PCNX2: variants seen among roughly 807,000 people sequenced by gnomAD.
PCNX2 encodes the protein pecanex 2, also known as pecanex-like protein 2.
In PCNX2, 168 loss-of-function variants were observed where a neutral mutation model predicts 223.8. The observed-to-expected ratio is 0.75, with a 90% CI of 0.66 to 0.85. The LOEUF is 0.85. Ranked by LOEUF, PCNX2 falls within the 40% of genes least tolerant of loss-of-function variation. PCNX2 has a pLI of 0.00. For synonymous variants in PCNX2, 1,006 were observed against 1,052.6 expected (o/e 0.96, Z 0.86); for missense variants, 2,507 against 2,675.5 (o/e 0.94, Z 1.39).
At chr1:233,183,706 G>A (rs1448876024) in intron 15 of PCNX2, among the ~76,000 whole-genome samples, 1 of 152,188 alleles carries the variant, frequency 6.6e-6, no homozygotes, top group Non-Finnish European at 1.5e-5. Flanking sequence ...GAACAGGACA[G>A]AGAGAGTCTT....
At chr1:233,260,226 A>C (rs1659976683) in intron 4 of PCNX2, among the ~76,000 whole-genome samples, 1 of 152,226 alleles carries the variant, frequency 6.6e-6, no homozygotes. Flanking sequence ...CTACCTGTAC[A>C]TTTTACATAC....
intron 28 of PCNX2, among the ~76,000 whole-genome samples, chr1:233,006,906 T>C (rs778666751): frequency 2.6e-5 from 4 of 151,940 alleles, no homozygotes; most frequent in Non-Finnish European, 5.9e-5. Flanking sequence ...CCATCTACCT[T>C]AGTCACTGTC....
rs1365634521 is a variant in PCNX2, at chr1:233,112,804, A to G, written c.3838-16941T>C. On this transcript the variant is annotated intron_variant, in intron 21 of 33. Coordinates refer to ENST00000258229, the MANE Select transcript of PCNX2 (RefSeq NM_014801.4). ...AAAAAAATTTTAAGTCTTACATGCT[A>G]GGCTTGATGTCCCAAATGGGGAGAA... The G allele has an allele frequency of 8.1e-6, 10 of 1,239,212 alleles. No individual in the cohort carries two copies. In the South Asian group the frequency reaches 1.1e-4, roughly 14 times the overall value. The allele number at this position is 1,239,212 out of a possible 1,614,324, so 76.8% of individuals were successfully genotyped here.
At chr1:233,289,258 C>G in intron 1 of PCNX2, 5 of 962,332 alleles carry the variant, frequency 5.2e-6, no homozygotes, top group Non-Finnish European at 8.5e-6. Context: ...GGAACGGGAA[C>G]AAAGATTATG....
At chr1:233,226,622 T>C (rs1657737517) in intron 10 of PCNX2, among the ~76,000 whole-genome samples, 4 of 152,096 alleles carry the variant, frequency 2.6e-5, no homozygotes, top group Admixed American at 1.3e-4. Context: ...CCCTACCCAG[T>C]AACCACAGCT....
intron 28 of PCNX2, among the ~76,000 whole-genome samples, chr1:233,010,207 G>A (rs778677959): frequency 2.0e-5 from 3 of 152,202 alleles, no homozygotes; most frequent in Non-Finnish European, 2.9e-5. Flanking sequence ...AAGTTGAGAT[G>A]ATGTCTTGGA....
At chr1:233,007,877 C>T (rs967197033) in intron 28 of PCNX2, among the ~76,000 whole-genome samples, 7 of 151,976 alleles carry the variant, frequency 4.6e-5, no homozygotes, top group Admixed American at 4.6e-4. Context: ...CAGGGTTTCA[C>T]CACATTGGCC....
intron 17 of PCNX2, among the ~76,000 whole-genome samples, chr1:233,164,553 A>G (rs891733323): frequency 6.6e-6 from 1 of 151,718 alleles, no homozygotes; most frequent in Non-Finnish European, 1.5e-5. Flanking sequence ...GCCATAAACC[A>G]ATAAATATAT....
In PCNX2 at chr1:233,000,434, C is replaced by T. The variant is rs368249822; in HGVS notation, c.5199G>A (p.Pro1733=). 78 of 1,600,926 alleles carry T rather than the reference C, an allele frequency of 4.9e-5. No individual in the cohort carries two copies. The East Asian group carries it at 7.4e-4, about 15-fold the overall frequency. ...KKVVICHEGD[P]AWRGAVLSNK... ...TGGACAGCACTGCGCCCCGCCAGGC[C>T]GGGTCGCCCTCGTGGCAGATGACCA... The change falls in exon 30 of 34, where the codon CCG becomes CCA. Residue 1733 remains proline, a synonymous_variant. Coordinates refer to ENST00000258229, the MANE Select transcript of PCNX2 (RefSeq NM_014801.4). This position sits in a 1 kb window ranked among gnomAD's most constrained non-coding sequence, Gnocchi z 4.6.
chr1:233,220,769 T>G (rs1355166149), intron 10 of PCNX2, among the ~76,000 whole-genome samples: 2 of 152,200 alleles, frequency 1.3e-5, no homozygotes, highest in Non-Finnish European at 2.9e-5. Context: ...AATCTAATGC[T>G]GACACCTGAT....
chr1:233,024,625 T>C (rs1671019454), intron 26 of PCNX2, among the ~76,000 whole-genome samples: 1 of 152,214 alleles, frequency 6.6e-6, no homozygotes, highest in South Asian at 2.1e-4. Flanking sequence ...TGGGCAGATG[T>C]AGGCACTGAG....
chr1:233,218,130 G>C lies in PCNX2; in HGVS notation c.2559C>G (p.Ser853=), dbSNP rs774858517. ...GGCTCAAGGTCAGAAATCCAAGGAG[G>C]GAAACCAGGACAATGAGTAAAATCG... ...VLAILLIVLV[S]LLGFLTLSQG... Residue 853 remains serine (S), a synonymous_variant, in exon 11 of 34, where the codon TCC becomes TCG. Transcript: ENST00000258229. 7 of 1,526,284 alleles carry C rather than the reference G, an allele frequency of 4.6e-6. No individual in the cohort carries two copies. Among genetic ancestry groups the C allele is most frequent in the Middle Eastern group, 1.7e-4 (1 of 5,846 alleles). The allele number at this position is 1,526,284 out of a possible 1,614,324, so 94.5% of individuals were successfully genotyped here.
intron 17 of PCNX2, among the ~76,000 whole-genome samples, chr1:233,167,240 C>T (rs1417725229): frequency 1.3e-5 from 2 of 152,070 alleles, no homozygotes; most frequent in Non-Finnish European, 2.9e-5. Context: ...TGCCATTTGC[C>T]ACAACATGGA....
rs949772728 is a variant in PCNX2 at position 233,000,724 on chromosome 1, T to A, written c.5098-189A>T. 2.6e-5 allele frequency among the ~76,000 whole-genome samples: 4 copies of A among 152,188 alleles called. No homozygotes were observed. The highest frequency in any genetic ancestry group is 9.6e-5 in the African/African-American group (4 of 41,460). On this transcript the variant is annotated intron_variant, in intron 29 of 33. Transcript: ENST00000258229. The surrounding 1 kb of genome is among the most constrained non-coding windows in gnomAD (Gnocchi z 4.6). ...CTCTTTATCTCATTGCCCTAACCAA[T>A]GGAATGTGCCTAGAAAAGAGCTTCA...
chr1:233,016,898 C>G (rs1033415664), intron 27 of PCNX2, 23 bp downstream of exon 27: 4 of 1,588,788 alleles, frequency 2.5e-6, no homozygotes, highest in South Asian at 2.2e-5. Flanking sequence ...TTCCATGCCT[C>G]AGCCCCCACC....
the PCNX2 span, among the ~76,000 whole-genome samples, chr1:233,302,332 C>T: frequency 1.4e-5 from 2 of 147,582 alleles, no homozygotes; most frequent in South Asian, 4.5e-4. Flanking sequence ...GTTTGTCATA[C>T]TATCCTCTTG....
At chr1:233,092,662 C>T (rs923154066) in intron 22 of PCNX2, among the ~76,000 whole-genome samples, 15 of 152,144 alleles carry the variant, frequency 9.9e-5, no homozygotes, top group Admixed American at 6.5e-5. Context: ...AGAAGAGCTA[C>T]TAAGAGGAGC....
rs188460017 is a variant in PCNX2 at position 233,295,584 on chromosome 1, C to T, written c.-106G>A. 972 of 1,168,814 alleles carry T rather than the reference C, an allele frequency of 8.3e-4. 3 individuals carry two copies. The African/African-American group carries it at 0.014, about 17-fold the overall frequency. 72.4% of individuals were successfully genotyped at this position (1,168,814 alleles called of 1,614,324 possible). A position where few individuals can be genotyped will look rare whatever the true frequency, so the allele number is the denominator to read the frequency against. Reference sequence around the variant, plus strand: ...ACACCCGGGCCCGCGGGCCGCGCCCCCGCCGTCGCCGCCGCCGTCGCCCCC... The same window carrying T: ...ACACCCGGGCCCGCGGGCCGCGCCCTCGCCGTCGCCGCCGCCGTCGCCCCC... On this transcript the variant is annotated 5_prime_UTR_variant, in exon 1 of 34. Coordinates refer to ENST00000258229, the MANE Select transcript of PCNX2 (RefSeq NM_014801.4). This position sits in a 1 kb window ranked among gnomAD's most constrained non-coding sequence, Gnocchi z 4.1.
At chr1:232,998,797 C>T (rs1305459648) in intron 31 of PCNX2, among the ~76,000 whole-genome samples, 1 of 152,204 alleles carries the variant, frequency 6.6e-6, no homozygotes, top group African/African-American at 2.4e-5. Flanking sequence ...GGATGTTCTT[C>T]CAGTTCTTGC....
Sources: allele counts gnomAD v4.1 joint callset (sites outside exome capture counted in the v4.1 genomes callset), GRCh38; gene constraint gnomAD v4.1.1; non-coding constraint Gnocchi (gnomAD v3.1); transcripts MANE v1.5; gene names NCBI Gene and HGNC (gene_info 2026-07-23, HGNC 2026-07-21).